The following GPC6 variants were observed in gnomAD, a reference collection of about 807,000 sequenced individuals.
The protein encoded by GPC6 is glypican-6.
In GPC6, 14 loss-of-function variants were observed where a neutral mutation model predicts 55.2. The ratio of observed to expected loss-of-function variants is 0.25; its 90% CI spans 0.17 to 0.40. The LOEUF (loss-of-function observed/expected upper bound fraction) is 0.40, where lower values mean the gene tolerates loss of function less well. Ranked by LOEUF, GPC6 falls within the 10% of genes least tolerant of loss-of-function variation. The pLI, the probability that GPC6 is intolerant of heterozygous loss-of-function variation, is 1.00. For synonymous variants in GPC6, 278 were observed against 259.6 expected (o/e 1.07, Z -0.68); for missense variants, 641 against 708.5 (o/e 0.90, Z 1.08).
chr13:93,987,225 C>T (rs1434030731), intron 3 of GPC6, among the ~76,000 whole-genome samples: 1 of 152,166 alleles, frequency 6.6e-6, no homozygotes, highest in African/African-American at 2.4e-5. Flanking sequence ...TCCTAAACAA[C>T]TCGTTGGACC....
At chr13:94,255,257 C>T (rs1891469844) in intron 4 of GPC6, among the ~76,000 whole-genome samples, 1 of 152,174 alleles carries the variant, frequency 6.6e-6, no homozygotes, top group African/African-American at 2.4e-5. Flanking sequence ...AATCAAAGCT[C>T]ATGTCTGTGA....
At chr13:94,156,145 A>G (rs1248929379) in intron 4 of GPC6, among the ~76,000 whole-genome samples, 1 of 152,206 alleles carries the variant, frequency 6.6e-6, no homozygotes, top group Non-Finnish European at 1.5e-5. Flanking sequence ...GTCAAACTAT[A>G]TATTATGTCA....
chr13:93,438,245 C>T (rs74108540), intron 1 of GPC6, among the ~76,000 whole-genome samples: 1,891 of 152,302 alleles, frequency 0.012, 58 homozygotes, highest in African/African-American at 0.044. Flanking sequence ...GATACCCATT[C>T]TGCAGCCCAT....
chr13:93,515,614 T>G (rs1469982824), intron 1 of GPC6, among the ~76,000 whole-genome samples: 1 of 152,126 alleles, frequency 6.6e-6, no homozygotes, highest in East Asian at 1.9e-4. Context: ...GTCCTGAAAA[T>G]GAAATGATTA....
intron 4 of GPC6, among the ~76,000 whole-genome samples, chr13:94,219,513 C>T (rs564555785): frequency 1.7e-3 from 255 of 152,244 alleles, no homozygotes; most frequent in African/African-American, 5.0e-3. Context: ...CAAACTTTTA[C>T]TTGAAACACT....
intron 4 of GPC6, among the ~76,000 whole-genome samples, chr13:94,114,313 G>GA (rs1367523863): frequency 6.6e-6 from 1 of 152,072 alleles, no homozygotes; most frequent in Non-Finnish European, 1.5e-5. Flanking sequence ...GTCTTAAAGA[G>GA]ATTGGGAAAG....
At chr13:93,705,244 G>C (rs1388527154) in intron 2 of GPC6, among the ~76,000 whole-genome samples, 1 of 151,874 alleles carries the variant, frequency 6.6e-6, no homozygotes, top group Non-Finnish European at 1.5e-5. Flanking sequence ...TAATCTATAG[G>C]TTTGGTCTCG....
chr13:93,727,681 A>C (rs1023782604), intron 2 of GPC6, among the ~76,000 whole-genome samples: 3 of 152,210 alleles, frequency 2.0e-5, no homozygotes, highest in Non-Finnish European at 4.4e-5. Flanking sequence ...GCATAGCTGC[A>C]TTCCAATAAA....
chr13:93,844,962 C>T (rs939409653), intron 3 of GPC6, among the ~76,000 whole-genome samples: 82 of 152,068 alleles, frequency 5.4e-4, no homozygotes, highest in Middle Eastern at 3.4e-3. Context: ...TGTAGGTATG[C>T]GGCGTTATTT....
chr13:93,902,072 C>G (rs778895213), intron 3 of GPC6, among the ~76,000 whole-genome samples: 7 of 151,918 alleles, frequency 4.6e-5, no homozygotes, highest in Non-Finnish European at 7.4e-5. Context: ...TGAGAACATT[C>G]AAAATTCTCT....
chr13:93,694,332 T>C (rs546429884), intron 2 of GPC6, among the ~76,000 whole-genome samples: 23 of 152,284 alleles, frequency 1.5e-4, no homozygotes, highest in African/African-American at 5.1e-4. Context: ...TTTATCTGGG[T>C]GAGAAATTGG....
intron 2 of GPC6, among the ~76,000 whole-genome samples, chr13:93,819,515 C>T (rs1886973190): frequency 6.6e-6 from 1 of 152,102 alleles, no homozygotes; most frequent in Non-Finnish European, 1.5e-5. Flanking sequence ...AACAGGCATC[C>T]CACACTCTGG....
At chr13:93,691,154 A>T (rs1444574590) in intron 2 of GPC6, among the ~76,000 whole-genome samples, 2 of 152,166 alleles carry the variant, frequency 1.3e-5, no homozygotes, top group Admixed American at 6.6e-5. Context: ...TTTCAATAAG[A>T]ACACAAGTAA....
chr13:94,329,448 T>C (rs1877297624), intron 6 of GPC6, among the ~76,000 whole-genome samples: 2 of 152,190 alleles, frequency 1.3e-5, no homozygotes, highest in African/African-American at 4.8e-5. Context: ...GTCTGGGAGA[T>C]GTCCAATTCC....
chr13:93,623,112 A>G (rs986110821), intron 2 of GPC6, among the ~76,000 whole-genome samples: 2 of 152,222 alleles, frequency 1.3e-5, no homozygotes, highest in African/African-American at 2.4e-5. Context: ...ATGGATGAGT[A>G]GTATTCCATT....
chr13:93,547,785 T>TTAATAA (rs201943774), intron 2 of GPC6, among the ~76,000 whole-genome samples: 2 of 150,430 alleles, frequency 1.3e-5, no homozygotes, highest in Admixed American at 6.6e-5. Context: ...GCACTTAGAC[T>TTAATAA]TAATAATAAT....
chr13:94,236,886 C>CTTTT (rs34883180), intron 4 of GPC6, among the ~76,000 whole-genome samples: 1 of 144,902 alleles, frequency 6.9e-6, no homozygotes, highest in Non-Finnish European at 1.5e-5. Flanking sequence ...AAGCAGAAAG[C>CTTTT]TTTTTTTTTT....
At chr13:93,988,103 T>C (rs1881117192) in intron 3 of GPC6, among the ~76,000 whole-genome samples, 2 of 152,152 alleles carry the variant, frequency 1.3e-5, no homozygotes, top group Non-Finnish European at 2.9e-5. Flanking sequence ...TTACCACGGG[T>C]AGTTTTTAAA....
chr13:93,519,381 G>A (rs187906184), intron 1 of GPC6, among the ~76,000 whole-genome samples: 1 of 151,898 alleles, frequency 6.6e-6, no homozygotes, highest in Admixed American at 6.6e-5. Context: ...GTAAAAGTGG[G>A]GCAATTTCCA....
Sources: allele counts gnomAD v4.1 joint callset (sites outside exome capture counted in the v4.1 genomes callset), GRCh38; gene constraint gnomAD v4.1.1; transcripts MANE v1.5; gene names NCBI Gene and HGNC (gene_info 2026-07-23, HGNC 2026-07-21).